SUCLG2: variants seen among roughly 807,000 people sequenced by gnomAD.
SUCLG2 encodes the protein succinate--CoA ligase [GDP-forming] subunit beta, mitochondrial.
In SUCLG2, 42 loss-of-function variants were observed where a neutral mutation model predicts 47.9. That is an observed-to-expected ratio of 0.88 (90% CI 0.69 to 1.14). The LOEUF (loss-of-function observed/expected upper bound fraction) is 1.14, where lower values mean the gene tolerates loss of function less well. SUCLG2 is among the 50% of genes most tolerant of loss of function. The probability of loss-of-function intolerance (pLI) is 0.00; values close to 1 mark genes in which losing one functional copy is unlikely to be tolerated. For missense variants in SUCLG2, 571 were observed against 525.9 expected, an observed-to-expected ratio of 1.09 and a Z score of -0.84; for synonymous variants, 195 against 197.3, an observed-to-expected ratio of 0.99 and a Z score of 0.10.
At chr3:67,620,993 T>C (rs1015523424) in intron 1 of SUCLG2, among the ~76,000 whole-genome samples, 1 of 152,166 alleles carries the variant, frequency 6.6e-6, no homozygotes, top group Non-Finnish European at 1.5e-5. Context: ...ATAAAACCAA[T>C]TGGGAGAGAG....
chr3:67,472,118 T>C (rs935394031), intron 9 of SUCLG2, among the ~76,000 whole-genome samples: 1 of 152,208 alleles, frequency 6.6e-6, no homozygotes, highest in African/African-American at 2.4e-5. Context: ...TGTCCATCCA[T>C]GAAGACATAT....
chr3:67,577,062 CA>C (rs1418516414), intron 2 of SUCLG2, among the ~76,000 whole-genome samples: 1 of 152,150 alleles, frequency 6.6e-6, no homozygotes, highest in African/African-American at 2.4e-5. Flanking sequence ...TGGCCAGGTG[CA>C]GTGGCTCACA....
chr3:67,363,598 A>G (rs866252800), intron 10 of SUCLG2, among the ~76,000 whole-genome samples: 11 of 152,366 alleles, frequency 7.2e-5, no homozygotes, highest in South Asian at 2.1e-4. Flanking sequence ...TGAAAAATCA[A>G]TGAAAGAAAG....
rs116146581 is a variant in SUCLG2 at position 67,566,771 on chromosome 3, A to C, written c.227-37585T>G. Among the ~76,000 whole-genome samples the C allele has an allele frequency of 4.7e-3, 716 of 152,368 alleles. 6 individuals carry two copies. Among genetic ancestry groups the C allele is most frequent in the African/African-American group, 0.017 (692 of 41,586 alleles). ...CTGTGGTGAATAAATTACACTTTTA[A>C]GAAATTTAAAAGATACAATTACCTA... On this transcript the variant is annotated intron_variant, in intron 2 of 10. Coordinates refer to ENST00000307227, the MANE Select transcript of SUCLG2 (RefSeq NM_003848.4).
intron 1 of SUCLG2, among the ~76,000 whole-genome samples, chr3:67,625,393 C>T (rs79702177): frequency 0.057 from 8,721 of 152,154 alleles, 353 homozygotes; most frequent in African/African-American, 0.11. Context: ...TTTTCCACCT[C>T]GTCCAGGATC....
intron 4 of SUCLG2, among the ~76,000 whole-genome samples, chr3:67,526,342 T>C (rs911835913): frequency 3.9e-5 from 6 of 152,200 alleles, no homozygotes; most frequent in African/African-American, 1.4e-4. Context: ...TACAAATTTG[T>C]CTTGGGCCAC....
Position 67,448,827 on chromosome 3 carries a change from G to GT in SUCLG2, c.1062+46970dup, listed in dbSNP as rs958991859. On this transcript the variant is annotated intron_variant, in intron 9 of 10. Coordinates refer to ENST00000307227, the MANE Select transcript of SUCLG2 (RefSeq NM_003848.4). Reference sequence around the variant, plus strand: ...TATTTCTGAATCAAGTGTAAAAAAGGTTTTTTTTTCTTTTCTTTTAGTGGG... The same window carrying GT: ...TATTTCTGAATCAAGTGTAAAAAAGGTTTTTTTTTTCTTTTCTTTTAGTGGG... Among the ~76,000 whole-genome samples, 1,268 of 151,014 alleles carry GT rather than the reference G, an allele frequency of 8.4e-3. 20 individuals are homozygous for GT. Among genetic ancestry groups the GT allele is most frequent in the African/African-American group, 0.029 (1,201 of 41,202 alleles).
rs1706001150 is a variant in SUCLG2 at position 67,518,236 on chromosome 3, G to A, written c.660+11C>T. On this transcript the variant is annotated intron_variant, in intron 6 of 10. Transcript: ENST00000307227. ...CAAGTCAGACACACCATCCCCCAAT[G>A]GCTTATATACCTGGCTTTTCAAAGG... 31 of 1,604,632 alleles carry A rather than the reference G, an allele frequency of 1.9e-5. No individual in the cohort carries two copies. The highest frequency in any genetic ancestry group is 2.6e-5 in the Non-Finnish European group (31 of 1,174,310).
At chr3:67,600,398 C>T (rs567387506) in intron 2 of SUCLG2, among the ~76,000 whole-genome samples, 35 of 152,216 alleles carry the variant, frequency 2.3e-4, no homozygotes, top group African/African-American at 7.5e-4. Flanking sequence ...AAATGTGTTT[C>T]GTTTATCTTT....
intron 2 of SUCLG2, among the ~76,000 whole-genome samples, chr3:67,543,075 C>T (rs1301226771): frequency 6.6e-6 from 1 of 152,216 alleles, no homozygotes; most frequent in Non-Finnish European, 1.5e-5. Context: ...GGAAGTAAAA[C>T]ATTCCTCAGC....
chr3:67,473,650 CA>C (rs1311954683), intron 9 of SUCLG2, among the ~76,000 whole-genome samples: 13 of 152,090 alleles, frequency 8.5e-5, no homozygotes, highest in Non-Finnish European at 1.9e-4. Context: ...AATTTTGACC[CA>C]ACTTCATTTT....
intron 2 of SUCLG2, among the ~76,000 whole-genome samples, chr3:67,565,550 C>T (rs967677020): frequency 6.6e-6 from 1 of 152,202 alleles, no homozygotes; most frequent in African/African-American, 2.4e-5. Flanking sequence ...AACAAATACC[C>T]TTCATTGCCA....
intron 2 of SUCLG2, among the ~76,000 whole-genome samples, chr3:67,593,110 G>A (rs1051811154): frequency 1.3e-5 from 2 of 152,132 alleles, no homozygotes; most frequent in Admixed American, 6.5e-5. Flanking sequence ...TTATTCCATC[G>A]ATTTCTTTAA....
chr3:67,631,867 ATAAT>A (rs1300754493), intron 1 of SUCLG2, among the ~76,000 whole-genome samples: 1 of 152,160 alleles, frequency 6.6e-6, no homozygotes, highest in South Asian at 2.1e-4. Flanking sequence ...TTGTTGAATG[ATAAT>A]TAATTAATTA....
At chr3:67,503,711 T>C (rs1705562549) in intron 7 of SUCLG2, among the ~76,000 whole-genome samples, 3 of 152,218 alleles carry the variant, frequency 2.0e-5, no homozygotes, top group South Asian at 4.1e-4. Context: ...TTAATATTTA[T>C]AAAACAATTT....
intron 9 of SUCLG2, among the ~76,000 whole-genome samples, chr3:67,494,010 A>T (rs1487371627): frequency 6.6e-6 from 1 of 152,204 alleles, no homozygotes. Context: ...ATAAGTGCTA[A>T]TAATACCTTG....
chr3:67,424,889 C>T (rs1451769651), intron 9 of SUCLG2, among the ~76,000 whole-genome samples: 1 of 152,100 alleles, frequency 6.6e-6, no homozygotes, highest in Non-Finnish European at 1.5e-5. Flanking sequence ...TTTAGCCAAT[C>T]TGAACAATCT....
chr3:67,391,579 C>T (rs1702383885), intron 10 of SUCLG2, among the ~76,000 whole-genome samples: 1 of 152,170 alleles, frequency 6.6e-6, no homozygotes, highest in South Asian at 2.1e-4. Context: ...GTAATAATGC[C>T]TTTACCTCCT....
intron 2 of SUCLG2, among the ~76,000 whole-genome samples, chr3:67,536,157 T>C (rs1706536424): frequency 6.6e-6 from 1 of 152,196 alleles, no homozygotes; most frequent in Admixed American, 6.5e-5. Flanking sequence ...GCTCTTGGTG[T>C]GCACACACTC....
Sources: allele counts gnomAD v4.1 joint callset (sites outside exome capture counted in the v4.1 genomes callset), GRCh38; gene constraint gnomAD v4.1.1; transcripts MANE v1.5; gene names NCBI Gene and HGNC (gene_info 2026-07-23, HGNC 2026-07-21).